Variants in TENM3 observed in about 807,000 individuals in gnomAD.
TENM3 encodes the protein teneurin-3.
Under a neutral mutation model 255.1 loss-of-function variants are expected in TENM3, and 63 were observed. The observed-to-expected ratio is 0.25, with a 90% CI of 0.20 to 0.30. TENM3 has a LOEUF of 0.30. Ranked by LOEUF, TENM3 falls within the 10% of genes least tolerant of loss-of-function variation. The pLI is 1.00. For synonymous variants in TENM3, 1,306 were observed against 1,322.3 expected (o/e 0.99, Z 0.27); for missense variants, 2,929 against 3,461.1 (o/e 0.85, Z 3.86).
At chr4:181,642,049 T>A in the TENM3 span, among the ~76,000 whole-genome samples, 1 of 151,734 alleles carries the variant, frequency 6.6e-6, no homozygotes, top group Admixed American at 6.6e-5. Flanking sequence ...ATGGCCACAC[T>A]GTTTTTCACA....
the TENM3 span, among the ~76,000 whole-genome samples, chr4:181,467,890 T>C: frequency 3.9e-5 from 6 of 152,184 alleles, no homozygotes; most frequent in Admixed American, 3.3e-4. Flanking sequence ...GGATTGACCC[T>C]ATATTATATA....
chr4:182,331,341 T>C (rs147841843), intron 2 of TENM3, among the ~76,000 whole-genome samples: 2,286 of 152,060 alleles, frequency 0.015, 37 homozygotes, highest in South Asian at 0.044. Context: ...AGGCCAGGAG[T>C]GCAAGACCAG....
In TENM3 at chr4:182,680,742, A is replaced by G. The variant is rs1756107240; in HGVS notation, c.1834+5A>G. The G allele has an allele frequency of 6.5e-7, 1 of 1,544,320 alleles. No homozygotes were observed. Among genetic ancestry groups the G allele is most frequent in the Non-Finnish European group, 8.7e-7 (1 of 1,147,066 alleles). ...AAGGAGAAAGTTGTGAAGAAGGTAAACATGTCAATATTCACAGAAGTCTGT... is the reference window on the plus strand; with the variant it reads ...AAGGAGAAAGTTGTGAAGAAGGTAAGCATGTCAATATTCACAGAAGTCTGT... On this transcript the variant is annotated splice_donor_5th_base_variant and intron_variant, in intron 10 of 27. Coordinates refer to ENST00000511685, the MANE Select transcript of TENM3 (RefSeq NM_001080477.4).
At chr4:182,126,165 C>T in the TENM3 span, among the ~76,000 whole-genome samples, 60 of 152,188 alleles carry the variant, frequency 3.9e-4, no homozygotes, top group African/African-American at 1.4e-3. Context: ...TTTCGAGTGG[C>T]ATTTTCTGAC....
chr4:181,578,985 C>G, the TENM3 span, among the ~76,000 whole-genome samples: 3 of 152,182 alleles, frequency 2.0e-5, no homozygotes, highest in African/African-American at 7.2e-5. Context: ...AGCCTCTGCA[C>G]ATAGCCAGCT....
chr4:182,224,888 C>T lies in TENM3; in HGVS notation c.-76+80134C>T, dbSNP rs368514989. 2.6e-5 allele frequency among the ~76,000 whole-genome samples: 4 copies of T among 152,096 alleles called. No individual in the cohort carries two copies. In the East Asian group the frequency reaches 7.8e-4, roughly 30 times the overall value. On this transcript the variant is annotated intron_variant, in intron 1 of 2. Transcript: ENST00000512480. ...AGTGGCTGGGATTACAGTCACGCGC[C>T]GCCACACCTGGCTAATTTTTGTATT...
intron 1 of TENM3, among the ~76,000 whole-genome samples, chr4:182,261,625 A>G (rs752563841): frequency 1.3e-5 from 2 of 152,224 alleles, no homozygotes; most frequent in Non-Finnish European, 2.9e-5. Context: ...TTAGCTTTGA[A>G]GACTACTTGC....
At chr4:182,498,786 C>T (rs1736048031) in intron 3 of TENM3, among the ~76,000 whole-genome samples, 3 of 151,644 alleles carry the variant, frequency 2.0e-5, no homozygotes, top group Admixed American at 6.6e-5. Context: ...ACCCTGGAGG[C>T]GGAGGTTGCA....
At chr4:181,746,680 A>T in the TENM3 span, among the ~76,000 whole-genome samples, 3 of 151,820 alleles carry the variant, frequency 2.0e-5, no homozygotes, top group Non-Finnish European at 4.4e-5. Flanking sequence ...ATTTTTCCCT[A>T]TGCAGAAATC....
the TENM3 span, among the ~76,000 whole-genome samples, chr4:181,567,075 G>C: frequency 3.5e-3 from 540 of 152,230 alleles, no homozygotes; most frequent in Non-Finnish European, 6.5e-3. Context: ...TGAGGGATTC[G>C]TGCAAATGAT....
chr4:182,497,147 G>A (rs558915107), intron 3 of TENM3, among the ~76,000 whole-genome samples: 134 of 151,578 alleles, frequency 8.8e-4, no homozygotes, highest in African/African-American at 3.1e-3. Flanking sequence ...TCCGCCTCCC[G>A]GGTTCAAGCG....
chr4:182,682,561 G>T (rs1384975642), intron 11 of TENM3, among the ~76,000 whole-genome samples: 2 of 152,292 alleles, frequency 1.3e-5, no homozygotes, highest in African/African-American at 4.8e-5. Flanking sequence ...CTTACTATGT[G>T]CATGGCATTG....
the TENM3 span, among the ~76,000 whole-genome samples, chr4:182,107,370 C>T: frequency 0.13 from 19,202 of 152,146 alleles, 1,304 homozygotes; most frequent in South Asian, 0.18. Context: ...TTTTACGCCC[C>T]GGGTGTCACA....
the TENM3 span, among the ~76,000 whole-genome samples, chr4:181,973,800 T>C: frequency 3.9e-5 from 6 of 152,064 alleles, no homozygotes; most frequent in Non-Finnish European, 5.9e-5. Flanking sequence ...ATACAGTCAA[T>C]GGAGCTCAGG....
At chr4:182,190,621 G>A (rs1471630334) in intron 1 of TENM3, among the ~76,000 whole-genome samples, 1 of 151,950 alleles carries the variant, frequency 6.6e-6, no homozygotes, top group Non-Finnish European at 1.5e-5. Context: ...TACCTGGAGG[G>A]GTCAAATGTA....
At chr4:181,547,820 A>G in the TENM3 span, among the ~76,000 whole-genome samples, 1 of 149,570 alleles carries the variant, frequency 6.7e-6, no homozygotes, top group Non-Finnish European at 1.5e-5. Flanking sequence ...TCTTTTTTTT[A>G]TTATACTTTA....
the TENM3 span, among the ~76,000 whole-genome samples, chr4:181,730,386 A>G: frequency 6.6e-6 from 1 of 152,200 alleles, no homozygotes; most frequent in Non-Finnish European, 1.5e-5. Flanking sequence ...TCTGAGTTGT[A>G]AATCCGAGCC....
At chr4:181,540,982 A>G in the TENM3 span, among the ~76,000 whole-genome samples, 1 of 152,208 alleles carries the variant, frequency 6.6e-6, no homozygotes, top group Non-Finnish European at 1.5e-5. Context: ...TACATGTGCA[A>G]TAACTCTGTA....
chr4:181,810,888 G>A, the TENM3 span, among the ~76,000 whole-genome samples: 1 of 152,108 alleles, frequency 6.6e-6, no homozygotes, highest in African/African-American at 2.4e-5. Flanking sequence ...GGAAGATGAT[G>A]TAGCATCCCA....
Sources: gnomAD v4.1 joint callset for allele counts (sites outside exome capture counted in the v4.1 genomes callset) on GRCh38, gnomAD v4.1.1 for gene constraint, MANE v1.5 for transcripts, NCBI Gene and HGNC (gene_info 2026-07-23, HGNC 2026-07-21) for gene names.